Variants in UNC79 observed in about 807,000 individuals in gnomAD.
UNC79 encodes unc-79 subunit of NALCN channel complex, also known as protein unc-79 homolog.
In UNC79, 37 loss-of-function variants were observed where a neutral mutation model predicts 283.1. The observed-to-expected ratio is 0.13, with a 90% confidence interval of 0.10 to 0.17. UNC79 has a LOEUF of 0.17. Among genes scored for constraint, UNC79 ranks in the 10% least tolerant of loss-of-function variants. UNC79 has a pLI of 1.00. For missense variants in UNC79, 2,272 were observed against 3,211.1 expected (o/e 0.71, Z 7.07); for synonymous variants, 1,107 against 1,200.2 (o/e 0.92, Z 1.61).
chr14:93,673,305 T>G lies in UNC79; in HGVS notation c.6637-46T>G, dbSNP rs370910424. The G allele has an allele frequency of 3.8e-6, 6 of 1,569,728 alleles. No individual in the cohort carries two copies. The African/African-American group carries it at 8.2e-5, about 21-fold the overall frequency. On this transcript the variant is annotated intron_variant, in intron 40 of 48. Transcript: ENST00000555664. ...CTCTTTTGACATGGATATACTCTAA[T>G]TGAATTTCTAAAATCACTTACCTCC...
At chr14:93,411,842 A>G (rs554648161) in intron 1 of UNC79, among the ~76,000 whole-genome samples, 9 of 152,356 alleles carry the variant, frequency 5.9e-5, no homozygotes, top group African/African-American at 1.2e-4. Context: ...AGACCAGACC[A>G]GGAAACTGAG....
intron 38 of UNC79, among the ~76,000 whole-genome samples, chr14:93,657,049 G>T (rs952723699): frequency 4.6e-5 from 7 of 152,196 alleles, no homozygotes; most frequent in African/African-American, 1.7e-4. Context: ...CCTTAGCTCA[G>T]CGTGTGCTGC....
At chr14:93,696,307 A>T (rs1190814768) in intron 47 of UNC79, among the ~76,000 whole-genome samples, 1 of 152,164 alleles carries the variant, frequency 6.6e-6, no homozygotes, top group Non-Finnish European at 1.5e-5. Context: ...ATATGTTTTC[A>T]TGTATGTTGG....
intron 40 of UNC79, among the ~76,000 whole-genome samples, chr14:93,665,437 A>G (rs1459727566): frequency 1.3e-5 from 2 of 151,914 alleles, no homozygotes; most frequent in East Asian, 3.8e-4. Flanking sequence ...AAATTCTAAC[A>G]GATATCTAAT....
chr14:93,540,907 G>A, intron 13 of UNC79, 76 bp downstream of exon 13: 1 of 1,578,628 alleles, frequency 6.3e-7, no homozygotes, highest in South Asian at 1.1e-5. Context: ...AATTTCTCCT[G>A]TTCTTTTAAA....
chr14:93,595,796 A>G (rs1460313096), intron 23 of UNC79, among the ~76,000 whole-genome samples: 5 of 152,232 alleles, frequency 3.3e-5, no homozygotes, highest in Admixed American at 3.3e-4. Flanking sequence ...TATTTCAGCT[A>G]TAGTTGTACG....
chr14:93,656,468 C>T (rs1243414016), intron 38 of UNC79, among the ~76,000 whole-genome samples: 1 of 151,594 alleles, frequency 6.6e-6, no homozygotes, highest in Non-Finnish European at 1.5e-5. Flanking sequence ...AAAACATAGG[C>T]TAGGCAATAT....
chr14:93,456,619 C>T (rs1353441577), intron 1 of UNC79, among the ~76,000 whole-genome samples: 1 of 152,114 alleles, frequency 6.6e-6, no homozygotes, highest in Non-Finnish European at 1.5e-5. Flanking sequence ...CCAAAAGGTC[C>T]TTCTTAGGGA....
intron 14 of UNC79, among the ~76,000 whole-genome samples, chr14:93,561,320 GAAAGGTTTTT>G (rs2141433864): frequency 6.6e-6 from 1 of 152,272 alleles, no homozygotes; most frequent in South Asian, 2.1e-4. Flanking sequence ...GATATAAGGA[GAAAGGTTTTT>G]AAAGTAAGTG....
At chr14:93,536,414 C>T (rs749642411) in intron 11 of UNC79, among the ~76,000 whole-genome samples, 2 of 152,128 alleles carry the variant, frequency 1.3e-5, no homozygotes, top group East Asian at 1.9e-4. Context: ...GGGAGATGCC[C>T]ATCTTTTCCT....
chr14:93,467,690 C>T, exon 2 of UNC79: 1 of 969,440 alleles, frequency 1.0e-6, no homozygotes, highest in Non-Finnish European at 1.3e-6. Flanking sequence ...AGATCCGGTA[C>T]TTGCAGGAAT....
chr14:93,507,807 T>C (rs995109306), intron 7 of UNC79, among the ~76,000 whole-genome samples: 1 of 152,180 alleles, frequency 6.6e-6, no homozygotes, highest in African/African-American at 2.4e-5. Context: ...CTGTGAAGAT[T>C]TTCTCCTTCC....
chr14:93,438,284 A>G (rs977840185), intron 1 of UNC79, among the ~76,000 whole-genome samples: 1 of 152,118 alleles, frequency 6.6e-6, no homozygotes, highest in Non-Finnish European at 1.5e-5. Context: ...CACTCAATCT[A>G]TATATTTCAT....
At chr14:93,482,804 C>G (rs2140413546) in intron 4 of UNC79, among the ~76,000 whole-genome samples, 1 of 152,244 alleles carries the variant, frequency 6.6e-6, no homozygotes, top group South Asian at 2.1e-4. Flanking sequence ...ACCTTCTGCT[C>G]TCCATCAAAA....
intron 7 of UNC79, among the ~76,000 whole-genome samples, chr14:93,506,843 G>A (rs566078520): frequency 1.4e-4 from 21 of 152,192 alleles, no homozygotes; most frequent in African/African-American, 4.6e-4. Flanking sequence ...TCATGTAGTC[G>A]TCATCCAAAA....
chr14:93,529,398 G>T (rs1441436306), intron 10 of UNC79, 72 bp downstream of exon 10: 1 of 1,525,082 alleles, frequency 6.6e-7, no homozygotes, highest in Non-Finnish European at 9.0e-7. Flanking sequence ...ATCTCCTTTT[G>T]TACTATTTTA....
intron 14 of UNC79, among the ~76,000 whole-genome samples, chr14:93,570,123 A>G (rs923999024): frequency 1.3e-5 from 2 of 152,038 alleles, no homozygotes; most frequent in Admixed American, 1.3e-4. Context: ...ATTTAAAAAA[A>G]TTTTGTTTAG....
At chr14:93,533,268 G>A (rs886545125) in intron 11 of UNC79, among the ~76,000 whole-genome samples, 2 of 152,144 alleles carry the variant, frequency 1.3e-5, no homozygotes, top group African/African-American at 4.8e-5. Flanking sequence ...TTTTTGGGAT[G>A]TTGATTGTGA....
chr14:93,705,655 C>G (rs1282055275), intron 48 of UNC79, among the ~76,000 whole-genome samples: 1 of 152,228 alleles, frequency 6.6e-6, no homozygotes, highest in Admixed American at 6.5e-5. Flanking sequence ...GGCGCTTTGT[C>G]ATTGTAGGGG....
Sources: gnomAD v4.1 joint callset for allele counts (sites outside exome capture counted in the v4.1 genomes callset) on GRCh38, gnomAD v4.1.1 for gene constraint, MANE v1.5 for transcripts, NCBI Gene and HGNC (gene_info 2026-07-23, HGNC 2026-07-21) for gene names.